Variants in EPB41L3 observed in about 807,000 individuals in gnomAD.
The protein encoded by EPB41L3 is erythrocyte membrane protein band 4.1 like 3, also known as band 4.1-like protein 3.
A neutral mutation model predicts 127.1 loss-of-function variants in EPB41L3; 57 were observed. The observed-to-expected ratio is 0.45, with a 90% CI of 0.36 to 0.56. The LOEUF is 0.56. Ranked by LOEUF, EPB41L3 falls within the 20% of genes least tolerant of loss-of-function variation. EPB41L3 has a pLI of 0.00. For synonymous variants in EPB41L3, 572 were observed against 549.5 expected (o/e 1.04, Z -0.57); for missense variants, 1,273 against 1,372.2 (o/e 0.93, Z 1.14).
intron 1 of EPB41L3, among the ~76,000 whole-genome samples, chr18:5,509,228 G>A (rs2092392093): frequency 6.6e-6 from 1 of 152,238 alleles, no homozygotes; most frequent in South Asian, 2.1e-4. Flanking sequence ...CCCCATGGCA[G>A]AGGAGGGCTC....
intron 3 of EPB41L3, chr18:5,566,997 G>A (rs1479017734): frequency 1.3e-5 from 2 of 152,084 alleles, no homozygotes; most frequent in Non-Finnish European, 2.9e-5. Context: ...GTAGACACAG[G>A]GTTTCGCCAT....
intron 1 of EPB41L3, among the ~76,000 whole-genome samples, chr18:5,501,074 G>A (rs1032373586): frequency 6.6e-6 from 1 of 152,148 alleles, no homozygotes; most frequent in Non-Finnish European, 1.5e-5. Context: ...GGAGTGCCAG[G>A]AGGTGAGTAC....
Position 5,416,293 on chromosome 18 carries a change from C to G in EPB41L3, c.1592G>C (p.Arg531Thr), listed in dbSNP as rs1448130298. ...CAGTTTGCAGTCATTCTCCTTACAC[C>G]TCCTACGGAGCTCTGTGGGAGATGT... ...APTSPTELRR[R>T]CKENDCKLPG... The change falls in exon 13 of 23, where the codon AGG becomes ACG. Residue 531 changes from arginine (R) to threonine (T), a missense_variant. Coordinates refer to ENST00000341928, the MANE Select transcript of EPB41L3 (RefSeq NM_012307.5). The G allele has an allele frequency of 2.5e-6, 4 of 1,613,964 alleles. No homozygotes were observed. In the Admixed American group the frequency reaches 6.7e-5, roughly 27 times the overall value.
chr18:5,443,194 T>C (rs549441175), intron 5 of EPB41L3, among the ~76,000 whole-genome samples: 39 of 152,350 alleles, frequency 2.6e-4, no homozygotes, highest in African/African-American at 7.7e-4. Context: ...TCTGAAATGA[T>C]TGAACCAACT....
chr18:5,418,563 G>A (rs1440623150), intron 12 of EPB41L3, among the ~76,000 whole-genome samples: 1 of 152,164 alleles, frequency 6.6e-6, no homozygotes, highest in Non-Finnish European at 1.5e-5. Context: ...GACAGGAAGA[G>A]TGTAAAAACA....
Position 5,582,727 on chromosome 18 carries a change from C to T in EPB41L3, c.-306+29613G>A, listed in dbSNP as rs1024473083. 5.1e-4 allele frequency among the ~76,000 whole-genome samples: 78 copies of T among 152,182 alleles called. 1 individual carries two copies. Among genetic ancestry groups the T allele is most frequent in the Non-Finnish European group, 1.0e-4 (7 of 68,032 alleles). ...GGCTAAGTGACTTATTGATTCTACA[C>T]AAATTGTTTATGACTGAGCTATAAG... On this transcript the variant is annotated intron_variant, in intron 3 of 21. Coordinates refer to the EPB41L3 transcript ENST00000545076.
chr18:5,491,848 T>C (rs894269086), intron 1 of EPB41L3, among the ~76,000 whole-genome samples: 6 of 152,180 alleles, frequency 3.9e-5, no homozygotes, highest in African/African-American at 1.2e-4. Context: ...CTAGAATCAA[T>C]ATCTAATTCC....
chr18:5,586,408 T>C (rs1178998902), intron 3 of EPB41L3, among the ~76,000 whole-genome samples: 2 of 151,708 alleles, frequency 1.3e-5, no homozygotes, highest in Non-Finnish European at 2.9e-5. Context: ...TTTTTGTTTT[T>C]TTTTTTTTTG....
chr18:5,620,696 T>A (rs1599370172), intron 1 of EPB41L3, among the ~76,000 whole-genome samples: 1 of 152,218 alleles, frequency 6.6e-6, no homozygotes, highest in Non-Finnish European at 1.5e-5. Context: ...TCTGACCTTT[T>A]TAAAAATAAG....
chr18:5,435,802 T>C (rs1378718836), intron 6 of EPB41L3, among the ~76,000 whole-genome samples: 2 of 152,230 alleles, frequency 1.3e-5, no homozygotes, highest in Non-Finnish European at 2.9e-5. Context: ...TCAATAGCTA[T>C]GTCATTATAA....
intron 16 of EPB41L3, 23 bp downstream of exon 16, chr18:5,406,754 T>G (rs368785049): frequency 9.2e-5 from 148 of 1,602,252 alleles, no homozygotes; most frequent in Non-Finnish European, 1.2e-4. Flanking sequence ...AATACGAGTC[T>G]GACCACAAAC....
At chr18:5,395,201 T>C (rs929673630) in intron 20 of EPB41L3, 54 bp from the exon 21 acceptor site, 4 of 1,493,228 alleles carry the variant, frequency 2.7e-6, no homozygotes, top group Admixed American at 1.7e-5. Context: ...GAAACCATCA[T>C]GGTTCAGTAG....
At chr18:5,615,838 C>G (rs2094788405) in intron 1 of EPB41L3, among the ~76,000 whole-genome samples, 1 of 152,074 alleles carries the variant, frequency 6.6e-6, no homozygotes, top group Non-Finnish European at 1.5e-5. Context: ...CTTAGTACTC[C>G]TTTTTTCTTG....
intron 3 of EPB41L3, among the ~76,000 whole-genome samples, chr18:5,566,739 A>C (rs1296663818): frequency 8.5e-6 from 1 of 117,628 alleles, no homozygotes; most frequent in Non-Finnish European, 1.7e-5. Context: ...ATTCTATTCT[A>C]TTCTATTCTA....
intron 1 of EPB41L3, among the ~76,000 whole-genome samples, chr18:5,542,074 A>G (rs1304537733): frequency 6.6e-6 from 1 of 152,198 alleles, no homozygotes; most frequent in Non-Finnish European, 1.5e-5. Context: ...CCAATTTAGT[A>G]TTTATTCCCT....
At chr18:5,525,362 T>G (rs2093179791) in intron 1 of EPB41L3, among the ~76,000 whole-genome samples, 1 of 152,184 alleles carries the variant, frequency 6.6e-6, no homozygotes, top group African/African-American at 2.4e-5. Context: ...AATAGTAATA[T>G]TAATAACACA....
At chr18:5,566,778 TATTCTATTCTATTCC>T (rs1399169243) in intron 3 of EPB41L3, among the ~76,000 whole-genome samples, 1,352 of 121,496 alleles carry the variant, frequency 0.011, 9 homozygotes, top group Middle Eastern at 0.035. Context: ...TATTCTATTC[TATTCTATTCTATTCC>T]ATTCCATTCC....
chr18:5,403,485 A>C (rs905952854), intron 16 of EPB41L3, among the ~76,000 whole-genome samples: 1 of 152,166 alleles, frequency 6.6e-6, no homozygotes, highest in Admixed American at 6.5e-5. Flanking sequence ...TTATTATAAC[A>C]ATTTAACTAC....
At chr18:5,493,050 T>C (rs769285727) in intron 1 of EPB41L3, among the ~76,000 whole-genome samples, 8 of 152,190 alleles carry the variant, frequency 5.3e-5, no homozygotes, top group Non-Finnish European at 1.0e-4. Context: ...TCAGCTCTAA[T>C]TTTTTATTCC....
Sources: gnomAD v4.1 joint callset for allele counts (sites outside exome capture counted in the v4.1 genomes callset) on GRCh38, gnomAD v4.1.1 for gene constraint, MANE v1.5 for transcripts, NCBI Gene and HGNC (gene_info 2026-07-23, HGNC 2026-07-21) for gene names.